TNFSF11: variants seen among roughly 807,000 people sequenced by gnomAD.
The protein encoded by TNFSF11 is TNF superfamily member 11, also known as tumor necrosis factor ligand superfamily member 11.
A neutral mutation model predicts 32.2 loss-of-function variants in TNFSF11; 12 were observed. That is an observed-to-expected ratio of 0.37 (90% CI 0.24 to 0.60). TNFSF11 has a LOEUF of 0.60. Ranked by LOEUF, TNFSF11 falls within the 20% of genes least tolerant of loss-of-function variation. The pLI is 0.66. For synonymous variants in TNFSF11, 172 were observed against 152.1 expected (o/e 1.13, Z -0.96); for missense variants, 345 against 398.0 (o/e 0.87, Z 1.13).
At chr13:42,572,721 TA>T (rs796324085), upstream of TNFSF11, among the ~76,000 whole-genome samples, 2 of 152,194 alleles carry the variant, frequency 1.3e-5, no homozygotes, top group African/African-American at 2.4e-5. Flanking sequence ...TGGCTGCCTT[TA>T]AAAAAAATTC....
intron 2 of TNFSF11, among the ~76,000 whole-genome samples, chr13:42,568,356 G>C (rs1286394595): frequency 6.6e-6 from 1 of 152,198 alleles, no homozygotes; most frequent in Non-Finnish European, 1.5e-5. Context: ...CCTGCAGGTT[G>C]TAATTCCATT....
At chr13:42,568,893 C>T (rs17536328) in intron 2 of TNFSF11, among the ~76,000 whole-genome samples, 54,694 of 152,008 alleles carry the variant, frequency 0.36, 10,991 homozygotes, top group Non-Finnish European at 0.44. Flanking sequence ...AAATTAGTTG[C>T]AACTGGCTTC....
chr13:42,599,473 A>T (rs748940375), intron 2 of TNFSF11, among the ~76,000 whole-genome samples: 1 of 152,134 alleles, frequency 6.6e-6, no homozygotes, highest in East Asian at 1.9e-4. Flanking sequence ...AATGGTTAGC[A>T]TGAATAGTTA....
chr13:42,574,126 T>G, upstream of TNFSF11: 1 of 758,248 alleles, frequency 1.3e-6, no homozygotes, highest in Non-Finnish European at 2.1e-6. Flanking sequence ...AAGCGGTTTA[T>G]AAGAGTTGGG....
At chr13:42,583,274 A>G (rs1236815256) in intron 2 of TNFSF11, among the ~76,000 whole-genome samples, 3 of 151,802 alleles carry the variant, frequency 2.0e-5, no homozygotes, top group Non-Finnish European at 2.9e-5. Flanking sequence ...TTAGCTGGGC[A>G]TGGCAACCTG....
chr13:42,597,340 C>CTTTTTTTTTTTT (rs774612741), intron 2 of TNFSF11, among the ~76,000 whole-genome samples: 1 of 125,754 alleles, frequency 8.0e-6, no homozygotes, highest in Non-Finnish European at 1.6e-5. Flanking sequence ...GCCTTTTGTT[C>CTTTTTTTTTTTT]TTTTTTTTTT....
chr13:42,606,497 G>T lies in TNFSF11; in HGVS notation c.533G>T (p.Gly178Val), dbSNP rs747293103. The T allele has an allele frequency of 1.5e-5, 24 of 1,614,142 alleles. No homozygotes were observed. Among genetic ancestry groups the T allele is most frequent in the Non-Finnish European group, 2.0e-5 (24 of 1,180,034 alleles). ...AATCTTATGCCTCTCTTCTCCACAG[G>T]TTCCCATAAAGTGAGTCTGTCCTCT... ...LTINATDIPS[G>V]SHKVSLSSWY... Residue 178 changes from glycine to valine, a missense_variant and splice_region_variant, in exon 5 of 5, where the codon GGT becomes GTT. By Grantham distance (109) the Gly-to-Val change is moderately radical (BLOSUM62 -3). Coordinates refer to ENST00000398795, the MANE Select transcript of TNFSF11 (RefSeq NM_003701.4).
At chr13:42,588,053 A>G (rs965164978) in intron 2 of TNFSF11, among the ~76,000 whole-genome samples, 3 of 152,170 alleles carry the variant, frequency 2.0e-5, no homozygotes, top group African/African-American at 7.2e-5. Context: ...TTTTTGGAGC[A>G]CTCATGTTCC....
At chr13:42,600,605 C>T in intron 2 of TNFSF11, 147 bp from the exon 3 acceptor site, 1 of 846,038 alleles carries the variant, frequency 1.2e-6, no homozygotes, top group African/African-American at 1.7e-5. Flanking sequence ...CCACCTAATA[C>T]ATATAGGAAT....
At chr13:42,604,676 A>G (rs945719244) in intron 4 of TNFSF11, among the ~76,000 whole-genome samples, 4 of 152,184 alleles carry the variant, frequency 2.6e-5, no homozygotes, top group Non-Finnish European at 5.9e-5. Flanking sequence ...AAATTGTAGA[A>G]CATTCTCTAT....
At chr13:42,589,720 A>T (rs346586) in intron 2 of TNFSF11, among the ~76,000 whole-genome samples, 151,657 of 152,322 alleles carry the variant, frequency 1, 75,502 homozygotes, top group Middle Eastern at 1. Flanking sequence ...GCCTCTCTGC[A>T]GTAATCAGCA....
intron 2 of TNFSF11, among the ~76,000 whole-genome samples, chr13:42,593,927 A>T (rs1329653316): frequency 1.3e-5 from 2 of 152,162 alleles, no homozygotes; most frequent in Non-Finnish European, 2.9e-5. Flanking sequence ...GCTCTGATTG[A>T]CAGGTACCAC....
chr13:42,588,197 A>T (rs1183165218), intron 2 of TNFSF11, among the ~76,000 whole-genome samples: 1 of 152,254 alleles, frequency 6.6e-6, no homozygotes, highest in Non-Finnish European at 1.5e-5. Flanking sequence ...GGAAAGCTGA[A>T]GTAAGACCCA....
At position 42,574,349 on chromosome 13, in the gene TNFSF11, G is replaced by A. The variant is rs1379055914; in HGVS notation, c.46G>A (p.Glu16Lys). 1 of 1,543,668 alleles carries A rather than the reference G, an allele frequency of 6.5e-7. No homozygotes were observed. Among genetic ancestry groups the A allele is most frequent in the Non-Finnish European group, 8.7e-7 (1 of 1,145,354 alleles). Residue 16 changes from glutamate (E) to lysine (K), a missense_variant, in exon 1 of 5, where the codon GAG becomes AAG. This residue lies in a region of TNFSF11 where 197 missense variants were observed against 182.0 expected (regional missense o/e 1.08). Transcript: ENST00000398795. ...CTACACCAAGTACCTGCGTGGCTCGGAGGAGATGGGCGGCGGCCCCGGAGC... is the reference window on the plus strand; with the variant it reads ...CTACACCAAGTACCTGCGTGGCTCGAAGGAGATGGGCGGCGGCCCCGGAGC... ...RDYTKYLRGS[E>K]EMGGGPGAPH...
intron 2 of TNFSF11, among the ~76,000 whole-genome samples, chr13:42,593,936 A>C (rs1433329085): frequency 6.6e-6 from 1 of 152,182 alleles, no homozygotes; most frequent in East Asian, 1.9e-4. Context: ...GACAGGTACC[A>C]CATGGATCAC....
intron 1 of TNFSF11, 80 bp downstream of exon 1, chr13:42,574,602 C>A: frequency 6.7e-7 from 1 of 1,490,054 alleles, no homozygotes; most frequent in South Asian, 1.2e-5. Flanking sequence ...AGTCTGGCGG[C>A]AGGGCTGGGC....
At chr13:42,590,705 A>T (rs1874126591) in intron 2 of TNFSF11, among the ~76,000 whole-genome samples, 1 of 152,258 alleles carries the variant, frequency 6.6e-6, no homozygotes, top group South Asian at 2.1e-4. Context: ...AACCAGTAGT[A>T]TAGTATAAGA....
chr13:42,601,650 G>C (rs561023586), intron 4 of TNFSF11, among the ~76,000 whole-genome samples: 1 of 152,302 alleles, frequency 6.6e-6, no homozygotes, highest in Admixed American at 6.5e-5. Flanking sequence ...AGAACTTTAT[G>C]ATACAGTGAC....
At position 42,607,031 on chromosome 13, in the gene TNFSF11, G is replaced by A. The variant is rs886050253; in HGVS notation, c.*113G>A. The stretch of plus-strand genomic sequence containing the variant: ...GACTACTAAGAGGCATGGCCCCAAC[G>A]GTACACGACTCAGTATCCATGCTCT... On this transcript the variant is annotated 3_prime_UTR_variant, in exon 5 of 5. Transcript: ENST00000398795. The A allele has an allele frequency of 1.1e-5, 14 of 1,326,884 alleles. No homozygotes were observed. The highest frequency in any genetic ancestry group is 1.4e-5 in the Non-Finnish European group (13 of 941,566). The allele number at this position is 1,326,884 out of a possible 1,614,324, so 82.2% of individuals were successfully genotyped here.
Sources: gnomAD v4.1 joint callset for allele counts (sites outside exome capture counted in the v4.1 genomes callset) on GRCh38, gnomAD v4.1.1 for gene constraint, gnomAD v4.1.1 regional missense constraint, MANE v1.5 for transcripts, NCBI Gene and HGNC (gene_info 2026-07-23, HGNC 2026-07-21) for gene names.